The following PTPRN2 variants were observed in gnomAD, a reference collection of about 807,000 sequenced individuals.
The protein encoded by PTPRN2 is receptor-type tyrosine-protein phosphatase N2.
PTPRN2 carries 74 observed loss-of-function variants against 118.8 expected under a neutral mutation model. That is an observed-to-expected ratio of 0.62 (90% CI 0.52 to 0.76). The LOEUF (loss-of-function observed/expected upper bound fraction) is 0.76, where lower values mean the gene tolerates loss of function less well. Ranked by LOEUF, PTPRN2 falls within the 30% of genes least tolerant of loss-of-function variation. The pLI is 0.00. For missense variants in PTPRN2, 1,481 were observed against 1,394.4 expected, an observed-to-expected ratio of 1.06 and a Z score of -0.99; for synonymous variants, 641 against 608.0, an observed-to-expected ratio of 1.05 and a Z score of -0.80.
chr7:158,085,755 C>T (rs368977864), intron 10 of PTPRN2, among the ~76,000 whole-genome samples: 457 of 138,840 alleles, frequency 3.3e-3, no homozygotes, highest in East Asian at 0.017. Context: ...TCCACACATG[C>T]CCATCCACAC....
chr7:158,091,307 T>C (rs564940421), intron 10 of PTPRN2, among the ~76,000 whole-genome samples: 46 of 152,348 alleles, frequency 3.0e-4, no homozygotes, highest in African/African-American at 3.1e-4. Context: ...AAAAAGAAGA[T>C]AGCCAAGGCA....
Position 158,225,064 on chromosome 7 carries a change from A to G in PTPRN2, c.278-19791T>C, listed in dbSNP as rs180722110. 4.8e-3 allele frequency among the ~76,000 whole-genome samples: 731 copies of G among 152,242 alleles called. 5 individuals are homozygous for G. Among genetic ancestry groups the G allele is most frequent in the Middle Eastern group, 0.014 (4 of 294 alleles). On this transcript the variant is annotated intron_variant, in intron 3 of 22. Coordinates refer to ENST00000389418, the MANE Select transcript of PTPRN2 (RefSeq NM_002847.5). ...GGCTAAAATAAAAAATAGGGACAAC[A>G]TCAAATGCTGGAAAGGATTTGGATT...
chr7:157,739,625 G>C (rs1387636774), intron 12 of PTPRN2, among the ~76,000 whole-genome samples: 3 of 152,242 alleles, frequency 2.0e-5, no homozygotes, highest in Non-Finnish European at 4.4e-5. Flanking sequence ...AATGCCAACT[G>C]CCATCTGGGA....
intron 14 of PTPRN2, among the ~76,000 whole-genome samples, chr7:157,635,818 C>G (rs1210377403): frequency 6.6e-6 from 1 of 152,074 alleles, no homozygotes; most frequent in African/African-American, 2.4e-5. Context: ...AGCCTCAGCT[C>G]TTTCCTCTGG....
intron 12 of PTPRN2, among the ~76,000 whole-genome samples, chr7:157,742,140 C>T (rs532322296): frequency 6.1e-4 from 93 of 152,322 alleles, no homozygotes; most frequent in African/African-American, 2.2e-3. Context: ...TTTCCAATCA[C>T]CTGTAACTCA....
chr7:157,931,612 G>C (rs534828232), intron 11 of PTPRN2, among the ~76,000 whole-genome samples: 1 of 152,292 alleles, frequency 6.6e-6, no homozygotes, highest in African/African-American at 2.4e-5. Flanking sequence ...GGCTTCAGAG[G>C]CATCTCAGTG....
chr7:158,054,143 G>A (rs1193722423), intron 11 of PTPRN2, among the ~76,000 whole-genome samples: 3 of 151,922 alleles, frequency 2.0e-5, no homozygotes, highest in African/African-American at 7.3e-5. Context: ...GAGCATGGGG[G>A]CCCTAGAGAG....
At chr7:158,130,871 ACGCATGCATATACG>A (rs1288378630) in intron 9 of PTPRN2, among the ~76,000 whole-genome samples, 1 of 150,198 alleles carries the variant, frequency 6.7e-6, no homozygotes, top group Non-Finnish European at 1.5e-5. Flanking sequence ...ACTCATATAC[ACGCATGCATATACG>A]CACAAACCGA....
intron 3 of PTPRN2, among the ~76,000 whole-genome samples, chr7:158,222,844 C>G (rs1227238202): frequency 1.3e-5 from 2 of 151,600 alleles, no homozygotes; most frequent in African/African-American, 4.8e-5. Context: ...GAAAAGAAAT[C>G]AATGTAATTT....
chr7:158,443,623 G>A (rs1817519687), intron 2 of PTPRN2, among the ~76,000 whole-genome samples: 1 of 152,146 alleles, frequency 6.6e-6, no homozygotes, highest in African/African-American at 2.4e-5. Flanking sequence ...CCTGATGGGG[G>A]AGCGGCGTGG....
intron 12 of PTPRN2, among the ~76,000 whole-genome samples, chr7:157,851,936 C>T (rs772516153): frequency 3.3e-5 from 5 of 152,230 alleles, no homozygotes; most frequent in Middle Eastern, 3.4e-3. Context: ...CACCTCGCTG[C>T]GGGCAACACC....
At chr7:157,920,115 T>C (rs1030031606) in intron 11 of PTPRN2, among the ~76,000 whole-genome samples, 3 of 152,128 alleles carry the variant, frequency 2.0e-5, no homozygotes, top group African/African-American at 7.2e-5. Flanking sequence ...AGATGAAACA[T>C]TTATCTGAAG....
chr7:158,179,368 ATTGT>A (rs1409619439), intron 5 of PTPRN2, among the ~76,000 whole-genome samples: 2 of 151,830 alleles, frequency 1.3e-5, no homozygotes, highest in Non-Finnish European at 2.9e-5. Flanking sequence ...TTCTTGCTAA[ATTGT>A]TTGAGTTCCT....
intron 3 of PTPRN2, among the ~76,000 whole-genome samples, chr7:158,241,082 C>T (rs73520513): frequency 0.012 from 1,829 of 152,350 alleles, 38 homozygotes; most frequent in African/African-American, 0.042. Context: ...CATCCAGTTC[C>T]AGCTTCATGG....
intron 12 of PTPRN2, among the ~76,000 whole-genome samples, chr7:157,753,747 C>T (rs757077033): frequency 2.6e-5 from 4 of 152,174 alleles, no homozygotes; most frequent in African/African-American, 7.2e-5. Context: ...CCTGCCCTAA[C>T]GCTTCCCAGA....
intron 11 of PTPRN2, among the ~76,000 whole-genome samples, chr7:158,039,088 T>C (rs1808277753): frequency 1.3e-5 from 2 of 152,198 alleles, no homozygotes; most frequent in African/African-American, 2.4e-5. Flanking sequence ...ATGTAAAAAC[T>C]GCCTAAATAT....
chr7:158,073,342 T>G (rs908682699), intron 11 of PTPRN2, among the ~76,000 whole-genome samples: 1 of 152,192 alleles, frequency 6.6e-6, no homozygotes, highest in Non-Finnish European at 1.5e-5. Flanking sequence ...GGCACCTGTG[T>G]GCTGGCTGGA....
intron 17 of PTPRN2, among the ~76,000 whole-genome samples, chr7:157,589,424 G>A (rs1048190777): frequency 2.6e-5 from 4 of 152,234 alleles, no homozygotes; most frequent in South Asian, 2.1e-4. Context: ...GGTGGGAGGC[G>A]TCTTTGCAGA....
At chr7:158,091,913 G>A (rs866608004) in intron 10 of PTPRN2, among the ~76,000 whole-genome samples, 27 of 104,354 alleles carry the variant, frequency 2.6e-4, no homozygotes, top group African/African-American at 6.9e-4. Flanking sequence ...GATGGGTAGA[G>A]AGATGGTTGG....
Sources: allele counts gnomAD v4.1 joint callset (sites outside exome capture counted in the v4.1 genomes callset), GRCh38; gene constraint gnomAD v4.1.1; transcripts MANE v1.5; gene names NCBI Gene and HGNC (gene_info 2026-07-23, HGNC 2026-07-21).